Variants in ZCCHC14 observed in about 807,000 individuals in gnomAD.
ZCCHC14 encodes zinc finger CCHC-type containing 14, also known as zinc finger CCHC domain-containing protein 14.
In ZCCHC14, 16 loss-of-function variants were observed where a neutral mutation model predicts 85.0. The ratio of observed to expected loss-of-function variants is 0.19; its 90% confidence interval spans 0.13 to 0.29. ZCCHC14 has a LOEUF of 0.29. Among genes scored for constraint, ZCCHC14 ranks in the 10% least tolerant of loss-of-function variants. ZCCHC14 has a pLI of 1.00. For synonymous variants in ZCCHC14, 775 were observed against 630.7 expected (o/e 1.23, Z -3.43); for missense variants, 1,303 against 1,443.5 (o/e 0.90, Z 1.58).
At chr16:87,438,606 A>G (rs1385328240) in intron 2 of ZCCHC14, among the ~76,000 whole-genome samples, 3 of 152,264 alleles carry the variant, frequency 2.0e-5, no homozygotes, top group Admixed American at 6.5e-5. Context: ...TAAAAGGGCC[A>G]ATAGTTTGTA....
chr16:87,442,228 G>C (rs1213384326), intron 2 of ZCCHC14, among the ~76,000 whole-genome samples: 3 of 152,166 alleles, frequency 2.0e-5, no homozygotes, highest in African/African-American at 7.2e-5. Flanking sequence ...AAAGGACGAG[G>C]CCAAACAGCA....
At chr16:87,476,120 C>T (rs1181293731) in intron 1 of ZCCHC14, among the ~76,000 whole-genome samples, 1 of 152,200 alleles carries the variant, frequency 6.6e-6, no homozygotes, top group African/African-American at 2.4e-5. Flanking sequence ...ACGTCCAGTG[C>T]AAACATACTT....
intron 2 of ZCCHC14, among the ~76,000 whole-genome samples, chr16:87,453,815 C>T (rs555818803): frequency 5.3e-5 from 8 of 152,186 alleles, no homozygotes; most frequent in South Asian, 2.1e-4. Context: ...CAAGAGAAAA[C>T]GCGATGAATG....
At chr16:87,422,745 A>AC (rs909403775) in intron 4 of ZCCHC14, among the ~76,000 whole-genome samples, 4 of 152,024 alleles carry the variant, frequency 2.6e-5, no homozygotes, top group African/African-American at 7.3e-5. Flanking sequence ...CAAAGAAAAA[A>AC]AAAACAAAAC....
rs1322903552 is a variant in ZCCHC14, at chr16:87,466,362, C to T, written c.571-6231G>A. On this transcript the variant is annotated intron_variant, in intron 1 of 12. Transcript: ENST00000671377. Reference sequence around the variant, plus strand: ...TGGAAGCACAGCCCCCCAACACTGACGGCAGCCTCGGTCTGCAGAAGACTC... The same window carrying T: ...TGGAAGCACAGCCCCCCAACACTGATGGCAGCCTCGGTCTGCAGAAGACTC... 2.6e-5 allele frequency among the ~76,000 whole-genome samples: 4 copies of T among 152,200 alleles called. No individual in the cohort carries two copies. The South Asian group carries it at 8.3e-4, about 31-fold the overall frequency.
intron 1 of ZCCHC14, among the ~76,000 whole-genome samples, chr16:87,489,482 G>C (rs1912654781): frequency 6.6e-6 from 1 of 152,234 alleles, no homozygotes; most frequent in African/African-American, 2.4e-5. Context: ...AAAAGCCGGA[G>C]AGGCCATAGA....
intron 4 of ZCCHC14, among the ~76,000 whole-genome samples, chr16:87,422,350 G>C (rs74826439): frequency 0.017 from 2,558 of 152,264 alleles, 25 homozygotes; most frequent in Middle Eastern, 0.038. Context: ...CAGCACCAGG[G>C]GTCTGAGGCT....
At chr16:87,416,927 G>T (rs1908816415) in intron 8 of ZCCHC14, among the ~76,000 whole-genome samples, 1 of 152,164 alleles carries the variant, frequency 6.6e-6, no homozygotes, top group Non-Finnish European at 1.5e-5. Context: ...GCCCAGCAGA[G>T]GGAGTCCAGA....
intron 2 of ZCCHC14, among the ~76,000 whole-genome samples, chr16:87,435,724 G>A (rs764644092): frequency 1.4e-4 from 21 of 152,260 alleles, no homozygotes; most frequent in Non-Finnish European, 2.5e-4. Context: ...TGCATCTCAC[G>A]GATGCGGGAG....
chr16:87,435,609 C>T (rs1909883696), intron 2 of ZCCHC14, among the ~76,000 whole-genome samples: 1 of 152,250 alleles, frequency 6.6e-6, no homozygotes, highest in South Asian at 2.1e-4. Context: ...CTGCAAACAC[C>T]CGGCCACGTC....
Position 87,492,917 on chromosome 16 carries a change from GCGGCGACGGCGACGGCGA to G in ZCCHC14, c.-697_-680del, listed in dbSNP as rs551285359. ...GGATCCGGGCCCGAGCGCGGCGGCG[GCGGCGACGGCGACGGCGA>G]CGGCGACGGCGACGGCGGAGGAGGC... is the stretch of plus-strand genomic sequence containing the variant. On this transcript the variant is annotated 5_prime_UTR_variant, in exon 1 of 13. Transcript: ENST00000671377. The surrounding 1 kb of genome is among the most constrained non-coding windows in gnomAD (Gnocchi z 6.7). Among the ~76,000 whole-genome samples, 662 of 145,320 alleles carry G rather than the reference GCGGCGACGGCGACGGCGA, an allele frequency of 4.6e-3. 1 individual carries two copies. Among genetic ancestry groups the G allele is most frequent in the African/African-American group, 0.013 (503 of 39,084 alleles).
intron 2 of ZCCHC14, among the ~76,000 whole-genome samples, chr16:87,435,300 C>G (rs1909865964): frequency 6.6e-6 from 1 of 152,210 alleles, no homozygotes; most frequent in African/African-American, 2.4e-5. Flanking sequence ...CCCCAGTTGT[C>G]CTGAAGAACC....
intron 3 of ZCCHC14, among the ~76,000 whole-genome samples, chr16:87,430,612 C>T (rs560535661): frequency 2.4e-4 from 37 of 151,904 alleles, no homozygotes; most frequent in Admixed American, 2.0e-3. Context: ...ACCTCTGCCT[C>T]CCAGGTTCAA....
At chr16:87,484,067 G>A (rs1912406385) in intron 1 of ZCCHC14, among the ~76,000 whole-genome samples, 1 of 152,214 alleles carries the variant, frequency 6.6e-6, no homozygotes, top group African/African-American at 2.4e-5. Flanking sequence ...GTGTGCAGTG[G>A]GACATCAGGT....
intron 1 of ZCCHC14, chr16:87,471,193 C>A (rs149191459): frequency 5.3e-5 from 8 of 152,088 alleles, no homozygotes; most frequent in Admixed American, 2.0e-4. Flanking sequence ...GGAGTAACGT[C>A]TGTTAAATAC....
At chr16:87,461,047 C>T (rs1248665532) in intron 1 of ZCCHC14, among the ~76,000 whole-genome samples, 1 of 152,210 alleles carries the variant, frequency 6.6e-6, no homozygotes, top group Non-Finnish European at 1.5e-5. Context: ...CGGGGCACAC[C>T]CTCAGTCCCC....
chr16:87,489,811 T>C (rs11117277), intron 1 of ZCCHC14, among the ~76,000 whole-genome samples: 144,894 of 152,306 alleles, frequency 0.95, 69,023 homozygotes, highest in East Asian at 1. Flanking sequence ...CACTGCCCAA[T>C]CAAAATAATA....
chr16:87,413,203 A>G lies in ZCCHC14; in HGVS notation c.1604-8T>C, dbSNP rs573335937. The G allele has an allele frequency of 6.5e-7, 1 of 1,544,042 alleles. No homozygotes were observed. The highest frequency in any genetic ancestry group is 1.2e-5 in the South Asian group (1 of 82,732). On this transcript the variant is annotated splice_region_variant and splice_polypyrimidine_tract_variant and intron_variant, in intron 10 of 12. Transcript: ENST00000671377. ...CCACTTCCACCCGCAGCTCTGCAGAAAAGGGACAGAGGAGCAGCCATCAAC... is the reference window on the plus strand; with the variant it reads ...CCACTTCCACCCGCAGCTCTGCAGAGAAGGGACAGAGGAGCAGCCATCAAC...
intron 1 of ZCCHC14, chr16:87,470,540 T>C (rs187720777): frequency 4.1e-4 from 62 of 152,254 alleles, no homozygotes; most frequent in African/African-American, 1.4e-3. Flanking sequence ...CATCTGTAGC[T>C]TTTCACCCAC....
Sources: gnomAD v4.1 joint callset for allele counts (sites outside exome capture counted in the v4.1 genomes callset) on GRCh38, gnomAD v4.1.1 for gene constraint, Gnocchi (gnomAD v3.1) non-coding constraint, MANE v1.5 for transcripts, NCBI Gene and HGNC (gene_info 2026-07-23, HGNC 2026-07-21) for gene names.